Variants in NSRP1 observed in about 807,000 individuals in gnomAD.
The protein encoded by NSRP1 is coiled-coil domain containing 55.
NSRP1 carries 24 observed loss-of-function variants against 54.7 expected under a neutral mutation model. That is an observed-to-expected ratio of 0.44 (90% CI 0.32 to 0.62). The LOEUF (loss-of-function observed/expected upper bound fraction) is 0.62. NSRP1 is among the 20% of genes least tolerant of loss of function. NSRP1 has a pLI of 0.06. For synonymous variants in NSRP1, 210 were observed against 213.8 expected, an observed-to-expected ratio of 0.98 and a Z score of 0.15; for missense variants, 596 against 651.2, an observed-to-expected ratio of 0.92 and a Z score of 0.92.
Position 30,147,548 on chromosome 17 carries a change from C to CCGCCTCCCAGGTTCA in NSRP1, c.115-24989_115-24975dup, listed in dbSNP as rs537711614. 2.4e-3 allele frequency among the ~76,000 whole-genome samples: 364 copies of CCGCCTCCCAGGTTCA among 152,110 alleles called. 1 individual carries two copies. The highest frequency in any genetic ancestry group is 8.6e-3 in the African/African-American group (356 of 41,474). On this transcript the variant is annotated intron_variant, in intron 2 of 6. Transcript: ENST00000247026. The stretch of plus-strand genomic sequence containing the variant: ...GGCCAATCTCGGCTCACTGCAAGCC[C>CCGCCTCCCAGGTTCA]CGCCTCCCAGGTTCACGCCATTCTC...
At chr17:30,168,594 T>C (rs1567803285) in intron 2 of NSRP1, among the ~76,000 whole-genome samples, 2 of 143,522 alleles carry the variant, frequency 1.4e-5, no homozygotes, top group Non-Finnish European at 3.0e-5. Context: ...ATAATAATAG[T>C]AATAATAATA....
intron 2 of NSRP1, chr17:30,122,349 T>TGTGTGTGTGTGTA (rs1481107161): frequency 2.2e-4 from 16 of 72,312 alleles, no homozygotes; most frequent in African/African-American, 3.4e-4. Context: ...ATAACTCTGG[T>TGTGTGTGTGTGTA]TTCATATATA....
chr17:30,183,125 G>A (rs1202581251), intron 6 of NSRP1, among the ~76,000 whole-genome samples: 3 of 151,824 alleles, frequency 2.0e-5, no homozygotes, highest in Non-Finnish European at 4.4e-5. Flanking sequence ...TAAAGGATTA[G>A]AGGATTTTTG....
intron 2 of NSRP1, among the ~76,000 whole-genome samples, chr17:30,121,453 CTTT>C (rs200327930): frequency 4.9e-5 from 6 of 121,824 alleles, no homozygotes; most frequent in Admixed American, 1.7e-4. Flanking sequence ...GATGCAAGAT[CTTT>C]TTTTTTTTTT....
At chr17:30,131,558 C>T (rs985396553) in intron 2 of NSRP1, among the ~76,000 whole-genome samples, 19 of 150,518 alleles carry the variant, frequency 1.3e-4, no homozygotes, top group African/African-American at 4.4e-4. Flanking sequence ...TAAAAAAATG[C>T]CTATACCATA....
intron 2 of NSRP1, chr17:30,122,352 CATATATATATATATATAT>C (rs1253948305): frequency 0.012 from 258 of 21,560 alleles, 5 homozygotes; most frequent in Middle Eastern, 0.083. Context: ...ACTCTGGTTT[CATATATATATATATATAT>C]ATATATATAT....
intron 2 of NSRP1, chr17:30,122,570 A>C (rs1220164406): frequency 6.7e-6 from 1 of 149,640 alleles, no homozygotes; most frequent in Non-Finnish European, 1.5e-5. Flanking sequence ...ATGCCTGGCT[A>C]ATTTTGTACT....
rs928050820 is a variant in NSRP1 at position 30,149,095 on chromosome 17, T to G, written c.115-23447T>G. 2.0e-5 allele frequency among the ~76,000 whole-genome samples: 3 copies of G among 152,216 alleles called. No homozygotes were observed. In the East Asian group the frequency reaches 5.8e-4, roughly 29 times the overall value. ...TTTCAGTGTTATACATTTATAAATA[T>G]TTTGTAATTTCCTTTATGATTTGTT... is the stretch of plus-strand genomic sequence containing the variant. On this transcript the variant is annotated intron_variant, in intron 2 of 6. Transcript: ENST00000247026.
At chr17:30,147,171 C>A (rs1390024117) in intron 2 of NSRP1, among the ~76,000 whole-genome samples, 10 of 150,684 alleles carry the variant, frequency 6.6e-5, no homozygotes, top group Admixed American at 2.0e-4. Context: ...TCTTATTGCC[C>A]AGGATGGAAT....
chr17:30,181,076 G>T, intron 6 of NSRP1, 60 bp downstream of exon 6: 1 of 1,074,972 alleles, frequency 9.3e-7, no homozygotes. Flanking sequence ...TGTGGTTGTG[G>T]GGTCATTTTA....
intron 2 of NSRP1, among the ~76,000 whole-genome samples, chr17:30,147,564 C>T (rs997573332): frequency 5.3e-5 from 8 of 151,470 alleles, no homozygotes; most frequent in South Asian, 4.2e-4. Context: ...CCCAGGTTCA[C>T]GCCATTCTCC....
At chr17:30,119,588 C>G (rs766701831) in intron 2 of NSRP1, among the ~76,000 whole-genome samples, 1 of 151,472 alleles carries the variant, frequency 6.6e-6, no homozygotes, top group Non-Finnish European at 1.5e-5. Flanking sequence ...TTGCAACCTC[C>G]GCCTCCTGGG....
chr17:30,153,326 C>G (rs1340385583), intron 2 of NSRP1, among the ~76,000 whole-genome samples: 1 of 151,986 alleles, frequency 6.6e-6, no homozygotes, highest in African/African-American at 2.4e-5. Flanking sequence ...TTTTCTCTCT[C>G]TCATTTAATA....
chr17:30,163,239 G>GTGTGTC (rs1904597932), intron 2 of NSRP1: 1 of 132,448 alleles, frequency 7.6e-6, no homozygotes, highest in Non-Finnish European at 1.6e-5. Context: ...GTGTGTGTGT[G>GTGTGTC]TGTGTGTGTT....
intron 2 of NSRP1, among the ~76,000 whole-genome samples, chr17:30,155,833 T>A (rs567603519): frequency 2.6e-4 from 40 of 152,244 alleles, no homozygotes; most frequent in Admixed American, 7.8e-4. Flanking sequence ...CTCTTAATTT[T>A]ATTTTATTTA....
intron 2 of NSRP1, among the ~76,000 whole-genome samples, chr17:30,161,058 C>G (rs1199743895): frequency 1.3e-5 from 2 of 152,138 alleles, no homozygotes; most frequent in African/African-American, 4.8e-5. Flanking sequence ...CACTACTTGG[C>G]AAGAAAGAAC....
chr17:30,121,945 C>T (rs1173986130), intron 2 of NSRP1, among the ~76,000 whole-genome samples: 1 of 152,074 alleles, frequency 6.6e-6, no homozygotes, highest in Non-Finnish European at 1.5e-5. Flanking sequence ...AAACTGTGTA[C>T]CCATTACCAT....
chr17:30,158,777 T>C (rs1040175722), intron 2 of NSRP1, among the ~76,000 whole-genome samples: 6 of 152,170 alleles, frequency 3.9e-5, no homozygotes, highest in African/African-American at 1.2e-4. Context: ...GATATAAATA[T>C]GTGGATTTAT....
At chr17:30,140,870 T>G (rs2071798661) in intron 2 of NSRP1, among the ~76,000 whole-genome samples, 1 of 152,120 alleles carries the variant, frequency 6.6e-6, no homozygotes, top group South Asian at 2.1e-4. Flanking sequence ...TTTACATTTA[T>G]TTAGAGACAG....
Sources: gnomAD v4.1 joint callset for allele counts (sites outside exome capture counted in the v4.1 genomes callset) on GRCh38, gnomAD v4.1.1 for gene constraint, MANE v1.5 for transcripts, NCBI Gene and HGNC (gene_info 2026-07-23, HGNC 2026-07-21) for gene names.